PDE1A: variants seen among roughly 807,000 people sequenced by gnomAD.
The protein encoded by PDE1A is dual specificity calcium/calmodulin-dependent 3',5'-cyclic nucleotide phosphodiesterase 1A.
PDE1A carries 35 observed loss-of-function variants against 61.7 expected under a neutral mutation model. The observed-to-expected ratio is 0.57, with a 90% CI of 0.43 to 0.75. The LOEUF (loss-of-function observed/expected upper bound fraction) is 0.75. Among genes scored for constraint, PDE1A ranks in the 30% least tolerant of loss-of-function variants. The pLI is 0.00. For synonymous variants in PDE1A, 232 were observed against 213.2 expected, an observed-to-expected ratio of 1.09 and a Z score of -0.77; for missense variants, 597 against 630.6, an observed-to-expected ratio of 0.95 and a Z score of 0.57.
At chr2:182,235,396 C>T (rs1415812315) in intron 3 of PDE1A, among the ~76,000 whole-genome samples, 3 of 152,194 alleles carry the variant, frequency 2.0e-5, no homozygotes, top group African/African-American at 7.2e-5. Flanking sequence ...CCCACATTGG[C>T]CTCTCAAAGT....
At chr2:182,416,753 ACTT>A (rs1702941852) in intron 1 of PDE1A, among the ~76,000 whole-genome samples, 1 of 152,202 alleles carries the variant, frequency 6.6e-6, no homozygotes, top group Non-Finnish European at 1.5e-5. Flanking sequence ...TTGGAACACT[ACTT>A]TCTGGGGATA....
intron 2 of PDE1A, among the ~76,000 whole-genome samples, chr2:182,253,959 G>A (rs1469417556): frequency 6.6e-6 from 1 of 151,992 alleles, no homozygotes; most frequent in Non-Finnish European, 1.5e-5. Context: ...TGAATAATAT[G>A]TTGCCTTGGA....
At chr2:182,143,494 T>A (rs543175256), downstream of PDE1A, among the ~76,000 whole-genome samples, 3 of 151,932 alleles carry the variant, frequency 2.0e-5, no homozygotes, top group African/African-American at 4.8e-5. Context: ...TTTTAAAAAA[T>A]TTTAATTAAT....
chr2:182,682,957 G>GT, the PDE1A span, among the ~76,000 whole-genome samples: 1 of 152,024 alleles, frequency 6.6e-6, no homozygotes, highest in Non-Finnish European at 1.5e-5. Flanking sequence ...GCCCAGTTAA[G>GT]TTTTTTGTGT....
chr2:182,434,382 G>A (rs1320867668), intron 2 of PDE1A, among the ~76,000 whole-genome samples: 1 of 152,032 alleles, frequency 6.6e-6, no homozygotes, highest in African/African-American at 2.4e-5. Context: ...CAGAATACTT[G>A]AGACTAGGTA....
chr2:182,494,632 G>A (rs1248838613), intron 2 of PDE1A, among the ~76,000 whole-genome samples: 1 of 152,018 alleles, frequency 6.6e-6, no homozygotes, highest in Non-Finnish European at 1.5e-5. Flanking sequence ...GTCACAAGAT[G>A]GTTCTCATCT....
chr2:182,566,772 A>C, the PDE1A span, among the ~76,000 whole-genome samples: 1 of 152,106 alleles, frequency 6.6e-6, no homozygotes, highest in African/African-American at 2.4e-5. Flanking sequence ...TTCTAAGACC[A>C]TCTACCAGTT....
intron 2 of PDE1A, among the ~76,000 whole-genome samples, chr2:182,259,607 TAAAG>T (rs888672199): frequency 5.9e-5 from 9 of 152,216 alleles, no homozygotes. Flanking sequence ...GTAACTTCCT[TAAAG>T]AAAGAGTATT....
At chr2:182,166,458 C>A (rs1305682079), downstream of PDE1A, among the ~76,000 whole-genome samples, 6 of 152,156 alleles carry the variant, frequency 3.9e-5, no homozygotes, top group African/African-American at 7.2e-5. Context: ...AGGTTCTCAA[C>A]CTTTGGACCC....
At chr2:182,261,719 T>C (rs1368019190) in intron 2 of PDE1A, among the ~76,000 whole-genome samples, 1 of 152,054 alleles carries the variant, frequency 6.6e-6, no homozygotes, top group Non-Finnish European at 1.5e-5. Flanking sequence ...AGTTAGCAAA[T>C]ATCCATGGAG....
intron 1 of PDE1A, among the ~76,000 whole-genome samples, chr2:182,305,225 T>A (rs1405877075): frequency 6.6e-6 from 1 of 152,234 alleles, no homozygotes; most frequent in East Asian, 1.9e-4. Flanking sequence ...TTTCAGAGTC[T>A]ATTTTTGGGG....
intron 1 of PDE1A, among the ~76,000 whole-genome samples, chr2:182,373,248 C>T (rs563659785): frequency 2.0e-5 from 3 of 152,274 alleles, no homozygotes; most frequent in African/African-American, 7.2e-5. Flanking sequence ...TTTGGAATGG[C>T]CTCAGGGGTG....
chr2:182,584,375 C>T, the PDE1A span, among the ~76,000 whole-genome samples: 2 of 152,244 alleles, frequency 1.3e-5, no homozygotes, highest in African/African-American at 4.8e-5. Context: ...AGAGAGAAAG[C>T]ACAGCAGTGT....
chr2:182,432,613 C>T (rs1448611003), intron 2 of PDE1A, among the ~76,000 whole-genome samples: 3 of 152,050 alleles, frequency 2.0e-5, no homozygotes, highest in African/African-American at 4.8e-5. Flanking sequence ...ATCATTAATG[C>T]TATCTCATCA....
chr2:182,428,662 A>G (rs1263089534), upstream of PDE1A, among the ~76,000 whole-genome samples: 1 of 152,104 alleles, frequency 6.6e-6, no homozygotes, highest in African/African-American at 2.4e-5. Flanking sequence ...TGTATTTAGG[A>G]AAGCACATAA....
At chr2:182,328,632 T>C (rs749144971) in intron 1 of PDE1A, among the ~76,000 whole-genome samples, 8 of 151,956 alleles carry the variant, frequency 5.3e-5, no homozygotes, top group Non-Finnish European at 7.4e-5. Flanking sequence ...GAACCTGAGA[T>C]TGTGGAAGGG....
intron 2 of PDE1A, among the ~76,000 whole-genome samples, chr2:182,451,721 A>G (rs1685535995): frequency 1.3e-5 from 2 of 152,244 alleles, no homozygotes; most frequent in South Asian, 4.1e-4. Flanking sequence ...GATGGTACCA[A>G]GAACACCGAA....
intron 13 of PDE1A, among the ~76,000 whole-genome samples, chr2:182,170,485 G>A (rs1318762203): frequency 1.3e-5 from 2 of 151,500 alleles, no homozygotes; most frequent in Non-Finnish European, 3.0e-5. Flanking sequence ...TAGTCTTTGG[G>A]GTAAGGTTTC....
chr2:182,379,946 C>A (rs1179751592), intron 1 of PDE1A, among the ~76,000 whole-genome samples: 1 of 152,100 alleles, frequency 6.6e-6, no homozygotes, highest in African/African-American at 2.4e-5. Context: ...ACGTGGCATA[C>A]AAAATCTATC....
Sources: gnomAD v4.1 joint callset for allele counts (sites outside exome capture counted in the v4.1 genomes callset) on GRCh38, gnomAD v4.1.1 for gene constraint, MANE v1.5 for transcripts, NCBI Gene and HGNC (gene_info 2026-07-23, HGNC 2026-07-21) for gene names.